Variants in CHRNA2 observed in about 807,000 individuals in gnomAD.
The protein encoded by CHRNA2 is neuronal acetylcholine receptor subunit alpha-2.
Under a neutral mutation model 45.5 loss-of-function variants are expected in CHRNA2, and 40 were observed. The observed-to-expected ratio is 0.88, with a 90% CI of 0.68 to 1.15. CHRNA2 has a LOEUF of 1.15. Ranked by LOEUF, CHRNA2 falls within the 50% of genes most tolerant of loss-of-function variation. The probability of loss-of-function intolerance (pLI) is 0.00; values close to 1 mark genes in which losing one functional copy is unlikely to be tolerated. For missense variants in CHRNA2, 655 were observed against 701.7 expected (o/e 0.93, Z 0.75); for synonymous variants, 301 against 296.7 (o/e 1.01, Z -0.15).
intron 1 of CHRNA2, among the ~76,000 whole-genome samples, chr8:27,474,603 GC>G (rs1490137353): frequency 4.6e-5 from 7 of 152,204 alleles, no homozygotes; most frequent in Non-Finnish European, 7.3e-5. Flanking sequence ...CCAGAATGGT[GC>G]CTCCAGGGGG....
intron 4 of CHRNA2, among the ~76,000 whole-genome samples, chr8:27,468,076 C>T (rs1157593914): frequency 6.6e-5 from 10 of 152,360 alleles, no homozygotes; most frequent in African/African-American, 2.4e-4. Flanking sequence ...AGGCATGTGG[C>T]AGTAGGTTGT....
At chr8:27,470,600 G>A (rs373919679) in intron 2 of CHRNA2, among the ~76,000 whole-genome samples, 25 of 152,322 alleles carry the variant, frequency 1.6e-4, no homozygotes, top group African/African-American at 5.3e-4. Context: ...CGAGCGAGTC[G>A]AGAACTACAG....
At chr8:27,469,580 G>A (rs1390919046) in intron 3 of CHRNA2, 181 bp downstream of exon 3, 3 of 880,430 alleles carry the variant, frequency 3.4e-6, no homozygotes, top group Admixed American at 4.0e-5. Context: ...GCCCTCCTAG[G>A]AGGGAGCTCC....
intron 4 of CHRNA2, among the ~76,000 whole-genome samples, chr8:27,468,460 A>G (rs1412290891): frequency 6.6e-6 from 1 of 152,154 alleles, no homozygotes; most frequent in Non-Finnish European, 1.5e-5. Context: ...CCTGAGTCTA[A>G]CTGGGCTCTA....
intron 4 of CHRNA2, among the ~76,000 whole-genome samples, chr8:27,467,980 T>C (rs1325345713): frequency 1.3e-5 from 2 of 152,186 alleles, no homozygotes; most frequent in African/African-American, 4.8e-5. Context: ...CAGGTTCGTA[T>C]TATCTCCGTA....
At chr8:27,478,002 C>G (rs971979021) in intron 1 of CHRNA2, among the ~76,000 whole-genome samples, 1 of 152,062 alleles carries the variant, frequency 6.6e-6, no homozygotes, top group African/African-American at 2.4e-5. Context: ...GAGCTCACTT[C>G]CCTGTCCATG....
chr8:27,460,205 CCCT>C lies in CHRNA2; in HGVS notation c.*1421_*1423del, dbSNP rs1812424700. On this transcript the variant is annotated 3_prime_UTR_variant, in exon 7 of 7. Coordinates refer to ENST00000407991, the MANE Select transcript of CHRNA2 (RefSeq NM_000742.4). Reference sequence around the variant, plus strand: ...ACATCTGTTAGCTGCCAATGTCCCACCCTCCAGTCTGGACAGAGTTGGGGGGAG... The same window carrying C: ...ACATCTGTTAGCTGCCAATGTCCCACCCAGTCTGGACAGAGTTGGGGGGAG... The C allele has an allele frequency of 6.6e-6, 1 of 152,246 alleles. No homozygotes were observed. The highest frequency in any genetic ancestry group is 1.5e-5 in the Non-Finnish European group (1 of 68,070). 9.4% of individuals were successfully genotyped at this position (152,246 alleles called of 1,614,324 possible).
intron 1 of CHRNA2, chr8:27,475,257 G>A (rs1427746748): frequency 1.3e-5 from 2 of 152,186 alleles, no homozygotes; most frequent in African/African-American, 4.8e-5. Flanking sequence ...AGAATGCAGT[G>A]CAGTTCATCA....
chr8:27,462,119 CTT>C (rs1812512591), intron 6 of CHRNA2, among the ~76,000 whole-genome samples: 1 of 152,234 alleles, frequency 6.6e-6, no homozygotes, highest in Non-Finnish European at 1.5e-5. Context: ...CAACACCAGA[CTT>C]TGCTGCTCAC....
chr8:27,461,786 C>T, intron 6 of CHRNA2, 32 bp from the exon 7 acceptor site: 1 of 1,613,830 alleles, frequency 6.2e-7, no homozygotes, highest in Non-Finnish European at 8.5e-7. Flanking sequence ...GTGACAGGGG[C>T]CAGGCCTGGG....
In CHRNA2 at chr8:27,462,979, C is replaced by A; in HGVS notation, c.1464G>T (p.Ser488=). The stretch of plus-strand genomic sequence containing the variant: ...GGCGCCTCTCCCAACCCCAACGCAC[C>A]GAAGAGTCAGCATCCTCAGACCGCA... ...DHLRSEDADS[S]VKEDWKYVAM... Residue 488 remains serine, a splice_region_variant and synonymous_variant, in exon 6 of 7, where the codon TCG becomes TCT. Transcript: ENST00000407991. The A allele has an allele frequency of 6.2e-7, 1 of 1,614,034 alleles. No individual in the cohort carries two copies. The highest frequency in any genetic ancestry group is 8.5e-7 in the Non-Finnish European group (1 of 1,180,020).
chr8:27,469,505 C>A, intron 3 of CHRNA2, 126 bp from the exon 4 acceptor site: 1 of 1,049,360 alleles, frequency 9.5e-7, no homozygotes, highest in South Asian at 1.4e-5. Flanking sequence ...GCCCGCCACC[C>A]ACTCTGAAAC....
At chr8:27,470,275 A>C (rs563126545) in intron 2 of CHRNA2, among the ~76,000 whole-genome samples, 108 of 152,242 alleles carry the variant, frequency 7.1e-4, no homozygotes, top group Middle Eastern at 3.4e-3. Flanking sequence ...CCCCATATGG[A>C]GGAGTGCCAG....
intron 1 of CHRNA2, among the ~76,000 whole-genome samples, chr8:27,472,857 G>T (rs1202755716): frequency 6.6e-6 from 1 of 152,112 alleles, no homozygotes; most frequent in Non-Finnish European, 1.5e-5. Context: ...ACACCTCATG[G>T]ATTAAGAAGC....
chr8:27,463,222 G>A lies in CHRNA2; in HGVS notation c.1221C>T (p.Asn407=), dbSNP rs367771198. Residue 407 remains asparagine (N), a synonymous_variant, in exon 6 of 7, where the codon AAC becomes AAT. Coordinates refer to ENST00000407991, the MANE Select transcript of CHRNA2 (RefSeq NM_000742.4). This position sits in a 1 kb window ranked among gnomAD's most constrained non-coding sequence, Gnocchi z 6.1. ...LSPSYHWLES[N]VDAEEREVVV... ...CCACCTCCCTCTCCTCGGCATCCAC[G>A]TTGCTCTCCAGCCAGTGATAAGAGG... 1.3e-6 allele frequency: 2 copies of A among 1,590,540 alleles called. No individual in the cohort carries two copies. The highest frequency in any genetic ancestry group is 1.7e-6 in the Non-Finnish European group (2 of 1,165,292).
chr8:27,476,279 G>A (rs546371809), intron 1 of CHRNA2, among the ~76,000 whole-genome samples: 4 of 152,278 alleles, frequency 2.6e-5, no homozygotes, highest in Non-Finnish European at 4.4e-5. Flanking sequence ...TCATCCACTC[G>A]TCCACCCCTA....
rs767487562 is a variant in CHRNA2, at chr8:27,470,001, A to T, written c.74-20T>A. The T allele has an allele frequency of 6.2e-7, 1 of 1,604,146 alleles. No homozygotes were observed. The highest frequency in any genetic ancestry group is 1.1e-5 in the South Asian group (1 of 90,374). ...CTCCACCTGCCATCAAATCAGAGCCACTCAGCCTCACTGAGCCTCAGTTTG... is the reference window on the plus strand; with the variant it reads ...CTCCACCTGCCATCAAATCAGAGCCTCTCAGCCTCACTGAGCCTCAGTTTG... On this transcript the variant is annotated intron_variant, in intron 2 of 6. Coordinates refer to ENST00000407991, the MANE Select transcript of CHRNA2 (RefSeq NM_000742.4).
Position 27,461,379 on chromosome 8 carries a change from C to T in CHRNA2, c.*250G>A. On this transcript the variant is annotated 3_prime_UTR_variant, in exon 7 of 7. Transcript: ENST00000407991. ...CTTACTCTGCCCCACTTGGTCACCACACTATTGCGACCTTCTGCAGAGCTT... is the reference window on the plus strand; with the variant it reads ...CTTACTCTGCCCCACTTGGTCACCATACTATTGCGACCTTCTGCAGAGCTT... 1 of 538,752 alleles carries T rather than the reference C, an allele frequency of 1.9e-6. No homozygotes were observed. The highest frequency in any genetic ancestry group is 2.1e-5 in the South Asian group (1 of 48,102). 33.4% of individuals were successfully genotyped at this position (538,752 alleles called of 1,614,324 possible).
chr8:27,474,686 G>T lies in CHRNA2; in HGVS notation c.-136-3492C>A, dbSNP rs79850374. On this transcript the variant is annotated intron_variant, in intron 1 of 6. Transcript: ENST00000407991. ...TGGTACACACAGCCCCACTGGAGCTGCTCTGTTCACACAGCAAACCCTGCA... is the reference window on the plus strand; with the variant it reads ...TGGTACACACAGCCCCACTGGAGCTTCTCTGTTCACACAGCAAACCCTGCA... 2.5e-3 allele frequency among the ~76,000 whole-genome samples: 375 copies of T among 152,380 alleles called. 2 individuals carry two copies. Among genetic ancestry groups the T allele is most frequent in the African/African-American group, 8.1e-3 (336 of 41,586 alleles).
Sources: gnomAD v4.1 joint callset for allele counts (sites outside exome capture counted in the v4.1 genomes callset) on GRCh38, gnomAD v4.1.1 for gene constraint, Gnocchi (gnomAD v3.1) non-coding constraint, MANE v1.5 for transcripts, NCBI Gene and HGNC (gene_info 2026-07-23, HGNC 2026-07-21) for gene names.